Variants in NRXN2 observed in about 807,000 individuals in gnomAD.
NRXN2 encodes the protein neurexin-2-beta.
NRXN2 carries 29 observed loss-of-function variants against 128.8 expected under a neutral mutation model. The ratio of observed to expected loss-of-function variants is 0.23; its 90% CI spans 0.17 to 0.31. NRXN2 has a LOEUF of 0.31. Ranked by LOEUF, NRXN2 falls within the 10% of genes least tolerant of loss-of-function variation. NRXN2 has a pLI of 1.00. For synonymous variants in NRXN2, 1,098 were observed against 1,075.2 expected (o/e 1.02, Z -0.41); for missense variants, 1,881 against 2,452.6 (o/e 0.77, Z 4.92).
At position 64,630,295 on chromosome 11, in the gene NRXN2, A is replaced by G; in HGVS notation, c.3757+107T>C. On this transcript the variant is annotated intron_variant, in intron 19 of 22. Transcript: ENST00000265459. This position sits in a 1 kb window ranked among gnomAD's most constrained non-coding sequence, Gnocchi z 4.6. ...CAGTAGCCCCGCCCCAGAGCCGCTT[A>G]GCCCCGCCCCAGAGCCGCTTAGCCC... The G allele has an allele frequency of 9.3e-7, 1 of 1,073,144 alleles. No homozygotes were observed. The allele number at this position is 1,073,144 out of a possible 1,614,324, so 66.5% of individuals were successfully genotyped here.
At chr11:64,669,562 G>A (rs539928210) in intron 7 of NRXN2, among the ~76,000 whole-genome samples, 2 of 152,278 alleles carry the variant, frequency 1.3e-5, no homozygotes, top group South Asian at 4.1e-4. Flanking sequence ...CCAGGAGGCA[G>A]GGGGGCTCAG....
chr11:64,673,681 G>C (rs1257982044), intron 7 of NRXN2, among the ~76,000 whole-genome samples: 1 of 115,184 alleles, frequency 8.7e-6, no homozygotes, highest in Non-Finnish European at 2.3e-5. Flanking sequence ...ACTTTTTTTT[G>C]TTTTGTTTGT....
chr11:64,697,659 G>C, intron 3 of NRXN2, 116 bp downstream of exon 3: 1 of 1,214,006 alleles, frequency 8.2e-7, no homozygotes, highest in South Asian at 1.3e-5. Flanking sequence ...ATCCTTCTCC[G>C]GAGAGGCCCT....
rs543875932 is a variant in NRXN2 at position 64,632,591 on chromosome 11, C to T, written c.3586-2018G>A. Among the ~76,000 whole-genome samples the T allele has an allele frequency of 7.9e-5, 12 of 152,292 alleles. No homozygotes were observed. In the East Asian group the frequency reaches 1.7e-3, roughly 22 times the overall value. On this transcript the variant is annotated intron_variant, in intron 18 of 22. Coordinates refer to ENST00000265459, the MANE Select transcript of NRXN2 (RefSeq NM_015080.4). The surrounding 1 kb of genome is among the most constrained non-coding windows in gnomAD (Gnocchi z 4.2). ...AGGCAGTGATGGTGGTCAAGGAGCACATGCAGTCTGAGAGCCAGGCTGGCA... is the reference window on the plus strand; with the variant it reads ...AGGCAGTGATGGTGGTCAAGGAGCATATGCAGTCTGAGAGCCAGGCTGGCA...
In NRXN2 at chr11:64,713,389, T is replaced by A; in HGVS notation, c.311A>T (p.Asp104Val). ...SCAEPATLQL[D>V]TPVADDRWHM... Reference sequence around the variant, plus strand: ...CCAGCGGTCGTCGGCCACCGGCGTGTCCAGCTGCAGCGTGGCCGGCTCGGC... The same window carrying A: ...CCAGCGGTCGTCGGCCACCGGCGTGACCAGCTGCAGCGTGGCCGGCTCGGC... Residue 104 changes from aspartate to valine, a missense_variant, in exon 2 of 23, where the codon GAC (aspartate) becomes GTC (valine). Physicochemically the swap from Asp to Val is radical, Grantham distance 152. Transcript: ENST00000265459. 2.0e-6 allele frequency: 3 copies of A among 1,471,586 alleles called. No individual in the cohort carries two copies. Among genetic ancestry groups the A allele is most frequent in the Non-Finnish European group, 2.7e-6 (3 of 1,115,854 alleles). The allele number at this position is 1,471,586 out of a possible 1,614,324, so 91.2% of individuals were successfully genotyped here.
At chr11:64,611,901 C>T (rs1386861601) in intron 22 of NRXN2, among the ~76,000 whole-genome samples, 2 of 151,600 alleles carry the variant, frequency 1.3e-5, no homozygotes, top group African/African-American at 4.9e-5. Flanking sequence ...TCACCCACAC[C>T]CCCCCACACT....
intron 22 of NRXN2, among the ~76,000 whole-genome samples, chr11:64,613,748 T>G (rs2041042192): frequency 6.6e-6 from 1 of 152,206 alleles, no homozygotes; most frequent in Non-Finnish European, 1.5e-5. Flanking sequence ...CAAATGTTAC[T>G]TTAACTAATA....
chr11:64,708,871 G>T (rs2056605192), intron 2 of NRXN2, among the ~76,000 whole-genome samples: 1 of 152,200 alleles, frequency 6.6e-6, no homozygotes, highest in South Asian at 2.1e-4. Flanking sequence ...AACTGGAAGG[G>T]GTACTGTGAA....
chr11:64,717,289 G>A (rs956850121), intron 1 of NRXN2, among the ~76,000 whole-genome samples: 1 of 152,186 alleles, frequency 6.6e-6, no homozygotes, highest in African/African-American at 2.4e-5. Context: ...CTGCCAGGGT[G>A]ACCCTGGGGT....
At position 64,713,320 on chromosome 11, in the gene NRXN2, G is replaced by C; in HGVS notation, c.380C>G (p.Ala127Gly). 1 of 1,371,150 alleles carries C rather than the reference G, an allele frequency of 7.3e-7. No individual in the cohort carries two copies. 84.9% of individuals were successfully genotyped at this position (1,371,150 alleles called of 1,614,324 possible). Residue 127 changes from alanine (A) to glycine (G), a missense_variant, in exon 2 of 23, where the codon GCG becomes GGG. Ala to Gly is a moderately conservative substitution (Grantham distance 60). Transcript: ENST00000265459. ...GGCGGCGCGGGCCTCGCCGTCCACC[G>C]CCAGCGCCGTGCGGCGCGCGTCGCG... Reference protein sequence around the residue: ...LTRDARRTALAVDGEARAAEV... With the variant: ...LTRDARRTALGVDGEARAAEV...
chr11:64,674,163 C>G (rs2135530534), intron 7 of NRXN2, among the ~76,000 whole-genome samples: 1 of 151,948 alleles, frequency 6.6e-6, no homozygotes, highest in African/African-American at 2.4e-5. Flanking sequence ...TGGTGCATAG[C>G]TGGTTGTTGG....
intron 17 of NRXN2, among the ~76,000 whole-genome samples, chr11:64,638,849 C>T (rs1036474615): frequency 1.3e-4 from 20 of 152,208 alleles, no homozygotes; most frequent in Non-Finnish European, 1.9e-4. Flanking sequence ...AATATAGTCT[C>T]CTCAATACCT....
chr11:64,643,545 G>T (rs2046120619), intron 17 of NRXN2: 1 of 148,374 alleles, frequency 6.7e-6, no homozygotes, highest in South Asian at 2.2e-4. Flanking sequence ...AGGGCTGGAA[G>T]GGAGAGGGAG....
chr11:64,656,104 C>T (rs2135471386), intron 11 of NRXN2: 1 of 152,334 alleles, frequency 6.6e-6, no homozygotes, highest in South Asian at 2.1e-4. Flanking sequence ...TCCTTCCCCG[C>T]CCAGGCCCTG....
chr11:64,676,700 G>C (rs1370412220), intron 7 of NRXN2: 2 of 524,746 alleles, frequency 3.8e-6, no homozygotes, highest in East Asian at 6.3e-5. Context: ...CTGCCCCCAG[G>C]TCTCTCTGGC....
In NRXN2 at chr11:64,620,370, G is replaced by A. The variant is rs536805942; in HGVS notation, c.4176C>T (p.Asn1392=). Residue 1392 remains asparagine (N), a splice_region_variant and synonymous_variant, in exon 22 of 23, where the codon AAC becomes AAT. Transcript: ENST00000265459. ...CAGAGGCCACCAGCAGGTCATCTGT[G>A]TTCTGAGGGGCGAGAGAAGGGGTGG... ...SPTLRDSTTQ[N]TDDLLVASAE... 10 of 1,552,644 alleles carry A rather than the reference G, an allele frequency of 6.4e-6. No individual in the cohort carries two copies. The highest frequency in any genetic ancestry group is 2.0e-5 in the Admixed American group (1 of 51,228).
intron 7 of NRXN2, 75 bp from the exon 8 acceptor site, chr11:64,668,679 C>A: frequency 6.4e-7 from 1 of 1,565,310 alleles, no homozygotes; most frequent in Admixed American, 1.7e-5. Flanking sequence ...TACGGCTAGG[C>A]AAAGGAGGGG....
intron 6 of NRXN2, among the ~76,000 whole-genome samples, chr11:64,683,633 A>G (rs531346696): frequency 2.0e-4 from 30 of 151,878 alleles, no homozygotes; most frequent in Non-Finnish European, 3.8e-4. Context: ...AAAAAAAAAA[A>G]AAAGAAAAGA....
intron 5 of NRXN2, 135 bp downstream of exon 5, chr11:64,690,270 A>C (rs541761794): frequency 2.6e-6 from 2 of 771,926 alleles, no homozygotes; most frequent in South Asian, 3.2e-5. Flanking sequence ...CTCGGGGAGC[A>C]GACCCATCAC....
Sources: gnomAD v4.1 joint callset for allele counts (sites outside exome capture counted in the v4.1 genomes callset) on GRCh38, gnomAD v4.1.1 for gene constraint, Gnocchi (gnomAD v3.1) non-coding constraint, MANE v1.5 for transcripts, NCBI Gene and HGNC (gene_info 2026-07-23, HGNC 2026-07-21) for gene names.